IRAG1: variants seen among roughly 807,000 people sequenced by gnomAD.
IRAG1 encodes inositol 1,4,5-triphosphate receptor associated 1, also known as IP3R-associated cGMP kinase substrate.
A neutral mutation model predicts 106.2 loss-of-function variants in IRAG1; 62 were observed. The ratio of observed to expected loss-of-function variants is 0.58; its 90% CI spans 0.48 to 0.72. The LOEUF (loss-of-function observed/expected upper bound fraction) is 0.72, where lower values mean the gene tolerates loss of function less well. Ranked by LOEUF, IRAG1 falls within the 30% of genes least tolerant of loss-of-function variation. The pLI, the probability that IRAG1 is intolerant of heterozygous loss-of-function variation, is 0.00. For missense variants in IRAG1, 1,064 were observed against 1,140.7 expected (o/e 0.93, Z 0.97); for synonymous variants, 462 against 443.9 (o/e 1.04, Z -0.51).
chr11:10,631,140 C>G (rs1157241781), intron 4 of IRAG1, among the ~76,000 whole-genome samples: 1 of 152,180 alleles, frequency 6.6e-6, no homozygotes, highest in Non-Finnish European at 1.5e-5. Context: ...GCTAATAACC[C>G]ACTTTGAGCA....
intron 2 of IRAG1, among the ~76,000 whole-genome samples, chr11:10,644,812 C>A (rs1355512322): frequency 6.6e-6 from 1 of 152,196 alleles, no homozygotes; most frequent in African/African-American, 2.4e-5. Context: ...TCTAGTCGGG[C>A]AGCACACGGT....
intron 15 of IRAG1, chr11:10,599,862 C>T (rs927355119): frequency 6.6e-6 from 1 of 152,194 alleles, no homozygotes; most frequent in Admixed American, 6.5e-5. Flanking sequence ...TTGCACACCT[C>T]CAATATATTG....
chr11:10,621,821 G>A (rs191000445), intron 10 of IRAG1, among the ~76,000 whole-genome samples: 31 of 152,296 alleles, frequency 2.0e-4, no homozygotes, highest in African/African-American at 6.7e-4. Context: ...GAACCTTGAA[G>A]ATGTTTTACT....
chr11:10,620,128 T>G (rs1483044303), intron 10 of IRAG1, among the ~76,000 whole-genome samples: 1 of 152,150 alleles, frequency 6.6e-6, no homozygotes, highest in Admixed American at 6.5e-5. Context: ...AAAAACAGAT[T>G]TCTATAAAGA....
chr11:10,635,858 G>T (rs1564921110), intron 2 of IRAG1, among the ~76,000 whole-genome samples: 2 of 152,154 alleles, frequency 1.3e-5, no homozygotes, highest in Non-Finnish European at 1.5e-5. Context: ...GAAACCCAGA[G>T]CCAGATCCTT....
chr11:10,585,116 A>G (rs575646944), intron 18 of IRAG1, among the ~76,000 whole-genome samples: 58 of 152,314 alleles, frequency 3.8e-4, no homozygotes, highest in African/African-American at 1.3e-3. Context: ...TCTCAGGTGC[A>G]TGTCTATTGT....
At chr11:10,672,961 T>C (rs1564938534) in intron 1 of IRAG1, among the ~76,000 whole-genome samples, 1 of 152,204 alleles carries the variant, frequency 6.6e-6, no homozygotes, top group Non-Finnish European at 1.5e-5. Context: ...TGTGGTATAT[T>C]CATACAATAG....
chr11:10,650,307 A>G (rs1267967692), intron 2 of IRAG1, among the ~76,000 whole-genome samples: 2 of 152,244 alleles, frequency 1.3e-5, no homozygotes, highest in East Asian at 3.8e-4. Flanking sequence ...ACTTTTAATT[A>G]TAAAGCATTG....
intron 1 of IRAG1, among the ~76,000 whole-genome samples, chr11:10,683,068 C>A (rs1049047188): frequency 2.0e-5 from 3 of 152,084 alleles, no homozygotes; most frequent in Admixed American, 2.0e-4. Context: ...TAAAAACCTT[C>A]AATTTTTAAT....
chr11:10,580,625 G>A (rs1851291836), intron 19 of IRAG1, 36 bp from the exon 20 acceptor site: 3 of 1,605,294 alleles, frequency 1.9e-6, no homozygotes, highest in Non-Finnish European at 2.5e-6. Flanking sequence ...GTCTGGAAAG[G>A]GCAGATGCAG....
In IRAG1 at chr11:10,628,936, G is replaced by A. The variant is rs1856481638; in HGVS notation, c.575-108C>T. 9.5e-7 allele frequency: 1 copy of A among 1,050,944 alleles called. No homozygotes were observed. Among genetic ancestry groups the A allele is most frequent in the Non-Finnish European group, 1.4e-6 (1 of 717,722 alleles). The allele number at this position is 1,050,944 out of a possible 1,614,324, so 65.1% of individuals were successfully genotyped here. A position where few individuals can be genotyped will look rare whatever the true frequency, so the allele number is the denominator to read the frequency against. ...AGGCCCTGGGAACTGGGTCTGCCTT[G>A]CTGGGCTCAGGGGCTGATGCTGGAC... is the stretch of plus-strand genomic sequence containing the variant. On this transcript the variant is annotated intron_variant, in intron 5 of 20. Coordinates refer to ENST00000423302, the MANE Select transcript of IRAG1 (RefSeq NM_130385.4). The surrounding 1 kb of genome is among the most constrained non-coding windows in gnomAD (Gnocchi z 4.1).
In IRAG1 at chr11:10,573,910, G is replaced by A. The variant is rs1417803823; in HGVS notation, c.*2422C>T. 6.6e-6 allele frequency: 1 copy of A among 152,378 alleles called. No individual in the cohort carries two copies. The highest frequency in any genetic ancestry group is 1.9e-4 in the East Asian group (1 of 5,198). The allele number at this position is 152,378 out of a possible 1,614,324, so 9.4% of individuals were successfully genotyped here. ...GCCTCATGTAGCTAAAGCTCCTTCA[G>A]TTGTATCCAGACCCCCTGGAAGAGG... On this transcript the variant is annotated 3_prime_UTR_variant, in exon 21 of 21. Coordinates refer to ENST00000423302, the MANE Select transcript of IRAG1 (RefSeq NM_130385.4).
rs1456156540 is a variant in IRAG1 at position 10,659,126 on chromosome 11, C to T, written c.68-6944G>A. Among the ~76,000 whole-genome samples the T allele has an allele frequency of 1.3e-5, 2 of 152,254 alleles. No homozygotes were observed. Among genetic ancestry groups the T allele is most frequent in the African/African-American group, 4.8e-5 (2 of 41,458 alleles). On this transcript the variant is annotated intron_variant, in intron 1 of 20. Coordinates refer to ENST00000423302, the MANE Select transcript of IRAG1 (RefSeq NM_130385.4). The surrounding 1 kb of genome is among the most constrained non-coding windows in gnomAD (Gnocchi z 4.1). ...CAGTTCTTTCCACTATCCCTGTACT[C>T]ATGATGACTCCCCCAAAACAGAGGT...
chr11:10,593,638 G>A, intron 16 of IRAG1, 39 bp from the exon 17 acceptor site: 1 of 1,463,434 alleles, frequency 6.8e-7, no homozygotes, highest in Admixed American at 1.7e-5. Flanking sequence ...TGTCTTGGAG[G>A]TAGCAATAGC....
rs975615781 is a variant in IRAG1 at position 10,644,959 on chromosome 11, C to T, written c.225+7066G>A. Among the ~76,000 whole-genome samples, 5 of 152,194 alleles carry T rather than the reference C, an allele frequency of 3.3e-5. No individual in the cohort carries two copies. In the South Asian group the frequency reaches 6.2e-4, roughly 19 times the overall value. On this transcript the variant is annotated intron_variant, in intron 2 of 20. Transcript: ENST00000423302. ...CAGCAGTAAAGTATATGGCTAAACTCGAGATATTCCCATAGACAGCGCAGA... is the reference window on the plus strand; with the variant it reads ...CAGCAGTAAAGTATATGGCTAAACTTGAGATATTCCCATAGACAGCGCAGA...
At chr11:10,693,187 C>G (rs1416673396) in intron 1 of IRAG1, among the ~76,000 whole-genome samples, 1 of 152,090 alleles carries the variant, frequency 6.6e-6, no homozygotes, top group Non-Finnish European at 1.5e-5. Context: ...AGCAGACTTG[C>G]CAAAGCTGAA....
At chr11:10,681,269 G>A (rs186814660) in intron 1 of IRAG1, among the ~76,000 whole-genome samples, 48 of 152,288 alleles carry the variant, frequency 3.2e-4, no homozygotes, top group Middle Eastern at 3.4e-3. Flanking sequence ...AGGCTCTAGC[G>A]GCTGCCTGGA....
intron 1 of IRAG1, among the ~76,000 whole-genome samples, chr11:10,660,592 T>A (rs10840459): frequency 1.3e-5 from 2 of 151,948 alleles, no homozygotes; most frequent in Non-Finnish European, 2.9e-5. Context: ...TGATTCTTGC[T>A]CCTACCAGGG....
intron 1 of IRAG1, among the ~76,000 whole-genome samples, chr11:10,680,645 T>C (rs1234049534): frequency 6.6e-6 from 1 of 151,994 alleles, no homozygotes; most frequent in Non-Finnish European, 1.5e-5. Context: ...ACAGTAATTA[T>C]GTCCATTGGC....
Sources: gnomAD v4.1 joint callset for allele counts (sites outside exome capture counted in the v4.1 genomes callset) on GRCh38, gnomAD v4.1.1 for gene constraint, Gnocchi (gnomAD v3.1) non-coding constraint, MANE v1.5 for transcripts, NCBI Gene and HGNC (gene_info 2026-07-23, HGNC 2026-07-21) for gene names.